The following VEZT variants were observed in gnomAD, a reference collection of about 807,000 sequenced individuals.
The protein encoded by VEZT is vezatin, adherens junctions transmembrane protein.
A neutral mutation model predicts 79.9 loss-of-function variants in VEZT; 39 were observed. The observed-to-expected ratio is 0.49, with a 90% CI of 0.38 to 0.64. VEZT has a LOEUF of 0.64. VEZT is among the 30% of genes least tolerant of loss of function. The probability of loss-of-function intolerance (pLI) is 0.00; values close to 1 mark genes in which losing one functional copy is unlikely to be tolerated. For synonymous variants in VEZT, 325 were observed against 327.6 expected, an observed-to-expected ratio of 0.99 and a Z score of 0.09; for missense variants, 837 against 893.1, an observed-to-expected ratio of 0.94 and a Z score of 0.80.
At chr12:95,294,665 T>G (rs546026197) in intron 10 of VEZT, among the ~76,000 whole-genome samples, 2 of 152,322 alleles carry the variant, frequency 1.3e-5, no homozygotes, top group South Asian at 4.1e-4. Context: ...TACTGGTATG[T>G]GTACATATGT....
Position 95,274,832 on chromosome 12 carries a change from G to C in VEZT, c.939G>C (p.Gln313His), listed in dbSNP as rs751248111. ...KELGLGLSEEQISEEEAHNFT... is the reference protein window; with the variant it reads ...KELGLGLSEEHISEEEAHNFT... ...TGGGCCTTGGACTTAGTGAAGAGCA[G>C]ATTTCAGAAGAGGAAGCACATAACT... is the stretch of plus-strand genomic sequence containing the variant. Residue 313 changes from glutamine to histidine, a missense_variant, in exon 7 of 12, where the codon CAG (glutamine) becomes CAC (histidine). Gln to His is a conservative substitution (Grantham distance 24). Transcript: ENST00000436874. The C allele has an allele frequency of 6.2e-7, 1 of 1,613,884 alleles. No individual in the cohort carries two copies. The highest frequency in any genetic ancestry group is 1.1e-5 in the South Asian group (1 of 91,068).
At chr12:95,265,851 A>T (rs2065432266) in intron 4 of VEZT, among the ~76,000 whole-genome samples, 1 of 152,188 alleles carries the variant, frequency 6.6e-6, no homozygotes, top group Non-Finnish European at 1.5e-5. Flanking sequence ...GTTCTGGTTT[A>T]CAATGCTTGG....
chr12:95,283,344 TTCCAGTGAA>T (rs2069675119), intron 8 of VEZT, among the ~76,000 whole-genome samples: 1 of 152,220 alleles, frequency 6.6e-6, no homozygotes, highest in Admixed American at 6.5e-5. Context: ...ATACAGTCAT[TTCCAGTGAA>T]ATTTTTCTCT....
intron 1 of VEZT, among the ~76,000 whole-genome samples, chr12:95,233,485 C>T (rs1025641461): frequency 1.3e-5 from 2 of 152,216 alleles, no homozygotes; most frequent in East Asian, 1.9e-4. Flanking sequence ...CTGCAACCTC[C>T]GCCTCCCAGG....
At chr12:95,290,853 T>C (rs2072583525) in intron 9 of VEZT, 1 of 152,154 alleles carries the variant, frequency 6.6e-6, no homozygotes, top group African/African-American at 2.4e-5. Flanking sequence ...TATACACATA[T>C]ATATCTACAT....
intron 7 of VEZT, 23 bp downstream of exon 7, chr12:95,274,912 G>T: frequency 6.2e-7 from 1 of 1,603,552 alleles, no homozygotes; most frequent in South Asian, 1.1e-5. Context: ...TGTAAGGGAA[G>T]GGCTGAAGAA....
chr12:95,287,305 T>A (rs954613392), intron 8 of VEZT, among the ~76,000 whole-genome samples: 3 of 152,104 alleles, frequency 2.0e-5, no homozygotes, highest in Admixed American at 6.6e-5. Flanking sequence ...TTTTTTCATC[T>A]TATAAGCCTT....
At chr12:95,270,250 T>C (rs1396902683) in intron 6 of VEZT, 62 bp downstream of exon 6, 1 of 1,477,368 alleles carries the variant, frequency 6.8e-7, no homozygotes, top group African/African-American at 1.4e-5. Context: ...ATATAGATAT[T>C]ATAGTTGTAT....
At position 95,301,715 on chromosome 12, in the gene VEZT, C is replaced by A. The variant is rs915554786; in HGVS notation, c.*1042C>A. ...GTAGCTCCTATGCAATAACATAGTT[C>A]TATAGACATTATTTGGGGGAAATGT... On this transcript the variant is annotated 3_prime_UTR_variant, in exon 12 of 12. Coordinates refer to ENST00000436874, the MANE Select transcript of VEZT (RefSeq NM_017599.4). The A allele has an allele frequency of 6.6e-6, 1 of 152,174 alleles. No individual in the cohort carries two copies. The highest frequency in any genetic ancestry group is 2.4e-5 in the African/African-American group (1 of 41,442). The allele number at this position is 152,174 out of a possible 1,614,324, so 9.4% of individuals were successfully genotyped here.
chr12:95,298,372 C>G (rs1236238014), intron 11 of VEZT, among the ~76,000 whole-genome samples: 2 of 152,080 alleles, frequency 1.3e-5, no homozygotes, highest in Non-Finnish European at 2.9e-5. Context: ...AGATTGATTT[C>G]CTGCAATCTG....
intron 3 of VEZT, chr12:95,258,288 G>T (rs1175282897): frequency 2.2e-6 from 1 of 455,696 alleles, no homozygotes; most frequent in East Asian, 7.0e-5. Context: ...CTGTGGTAAG[G>T]TATATGGATC....
At chr12:95,284,259 T>C (rs2069984614) in intron 8 of VEZT, among the ~76,000 whole-genome samples, 1 of 152,260 alleles carries the variant, frequency 6.6e-6, no homozygotes, top group Non-Finnish European at 1.5e-5. Context: ...GTAGTGCTGC[T>C]ACATACAACT....
intron 8 of VEZT, among the ~76,000 whole-genome samples, chr12:95,287,305 T>G (rs954613392): frequency 6.6e-6 from 1 of 152,104 alleles, no homozygotes; most frequent in African/African-American, 2.4e-5. Flanking sequence ...TTTTTTCATC[T>G]TATAAGCCTT....
At chr12:95,255,415 T>C (rs76759096) in intron 2 of VEZT, among the ~76,000 whole-genome samples, 1,959 of 152,278 alleles carry the variant, frequency 0.013, 46 homozygotes, top group African/African-American at 0.045. Context: ...TTTATTGTTA[T>C]TTAGCTGAGT....
intron 1 of VEZT, among the ~76,000 whole-genome samples, chr12:95,221,143 G>A (rs1318832803): frequency 6.6e-6 from 1 of 152,192 alleles, no homozygotes; most frequent in African/African-American, 2.4e-5. Flanking sequence ...GTGAAGCCAC[G>A]TCAAATTTCT....
chr12:95,238,575 C>T (rs1593228270), intron 1 of VEZT, among the ~76,000 whole-genome samples: 1 of 152,166 alleles, frequency 6.6e-6, no homozygotes, highest in Non-Finnish European at 1.5e-5. Flanking sequence ...TGAATGTATA[C>T]ATTCAGTAGG....
At chr12:95,285,982 CT>C (rs869030351) in intron 8 of VEZT, among the ~76,000 whole-genome samples, 265 of 85,836 alleles carry the variant, frequency 3.1e-3, no homozygotes, top group African/African-American at 9.2e-3. Context: ...CCGACCCCTT[CT>C]TTTTTTTTTT....
intron 1 of VEZT, among the ~76,000 whole-genome samples, chr12:95,234,189 T>A (rs1253111858): frequency 6.6e-6 from 1 of 152,200 alleles, no homozygotes; most frequent in Non-Finnish European, 1.5e-5. Context: ...TTTACCCATT[T>A]CTACAATTTA....
Position 95,217,873 on chromosome 12 carries a change from A to G in VEZT, c.23A>G (p.Glu8Gly), listed in dbSNP as rs745557134. Residue 8 changes from glutamate to glycine, a missense_variant, in exon 1 of 12, where the codon GAG becomes GGG. Transcript: ENST00000436874. MTPEFDE[E>G]VVFENSPLYQ... ...AGGATGACACCGGAGTTTGACGAAGAGGTGGTTTTTGAGGTAAGAGGAAAA... is the reference window on the plus strand; with the variant it reads ...AGGATGACACCGGAGTTTGACGAAGGGGTGGTTTTTGAGGTAAGAGGAAAA... 125 of 1,527,712 alleles carry G rather than the reference A, an allele frequency of 8.2e-5. No homozygotes were observed. The highest frequency in any genetic ancestry group is 1.1e-4 in the Non-Finnish European group (122 of 1,142,790). The allele number at this position is 1,527,712 out of a possible 1,614,324, so 94.6% of individuals were successfully genotyped here.
Sources: gnomAD v4.1 joint callset for allele counts (sites outside exome capture counted in the v4.1 genomes callset) on GRCh38, gnomAD v4.1.1 for gene constraint, MANE v1.5 for transcripts, NCBI Gene and HGNC (gene_info 2026-07-23, HGNC 2026-07-21) for gene names.